CEACAM20: variants seen among roughly 807,000 people sequenced by gnomAD.
CEACAM20 encodes the protein CEA cell adhesion molecule 20, also known as cell adhesion molecule CEACAM20.
A neutral mutation model predicts 61.2 loss-of-function variants in CEACAM20; 50 were observed. The observed-to-expected ratio is 0.82, with a 90% CI of 0.65 to 1.03. The LOEUF is 1.03. Among genes scored for constraint, CEACAM20 ranks in the 50% least tolerant of loss-of-function variants. CEACAM20 has a pLI of 0.00. For synonymous variants in CEACAM20, 282 were observed against 287.7 expected, an observed-to-expected ratio of 0.98 and a Z score of 0.20; for missense variants, 683 against 736.4, an observed-to-expected ratio of 0.93 and a Z score of 0.84.
intron 5 of CEACAM20, among the ~76,000 whole-genome samples, chr19:44,518,091 AAAGAAAGAAAGAAAGGAAGGAAGGAAGG>A (rs1410749379): frequency 8.9e-4 from 94 of 106,204 alleles, no homozygotes; most frequent in Non-Finnish European, 1.4e-3. Flanking sequence ...GGAAAGAAAG[AAAGAAAGAAAGAAAGGAAGGAAGGAAGG>A]AAGGAAGGAA....
intron 1 of CEACAM20, among the ~76,000 whole-genome samples, chr19:44,527,272 G>A (rs1448340711): frequency 7.6e-6 from 1 of 131,276 alleles, no homozygotes; most frequent in Admixed American, 8.0e-5. Flanking sequence ...CACCATGATG[G>A]CAACGATGAT....
chr19:44,511,724 C>A (rs921788048), intron 9 of CEACAM20, 52 bp from the exon 10 acceptor site: 3 of 1,574,378 alleles, frequency 1.9e-6, no homozygotes, highest in Admixed American at 3.5e-5. Flanking sequence ...ATAGGGGCTA[C>A]CCCAAGAGAT....
At position 44,511,672 on chromosome 19, in the gene CEACAM20, T is replaced by C. The variant is rs769267190; in HGVS notation, c.1576A>G (p.Met526Val). Residue 526 changes from methionine to valine, a missense_variant and splice_region_variant, in exon 10 of 12, where the codon ATG becomes GTG. Physicochemically the swap from Met to Val is conservative, Grantham distance 21. Coordinates refer to ENST00000614924, the MANE Select transcript of CEACAM20 (RefSeq NM_001102597.3). ...TCCTCTGGAAGGTCTGGTGGTTGCA[T>C]CTGGGGAAAAACAAAGTTGCAGAGA... ...QLQGRIRVEL[M>V]QPPDLPEETY... 12 of 1,612,648 alleles carry C rather than the reference T, an allele frequency of 7.4e-6. No homozygotes were observed. In the South Asian group the frequency reaches 1.1e-4, roughly 15 times the overall value.
rs771109952 is a variant in CEACAM20, at chr19:44,520,619, C to A, written c.885G>T (p.Leu295=). The A allele has an allele frequency of 1.9e-6, 3 of 1,613,878 alleles. No individual in the cohort carries two copies. Among genetic ancestry groups the A allele is most frequent in the Admixed American group, 1.7e-5 (1 of 60,002 alleles). Residue 295 remains leucine (L), a synonymous_variant, in exon 5 of 12, where the codon CTG becomes CTT. Coordinates refer to ENST00000614924, the MANE Select transcript of CEACAM20 (RefSeq NM_001102597.3). ...CTGACAGCTGCAGGTGCTCACTGGG[C>A]AGGAGGGGCTGGCCACTTAGGAACC... is the stretch of plus-strand genomic sequence containing the variant. ...VQWFLSGQPL[L]PSEHLQLSAD...
chr19:44,512,892 C>G lies in CEACAM20; in HGVS notation c.1489G>C (p.Glu497Gln). 6.2e-7 allele frequency: 1 copy of G among 1,613,782 alleles called. No homozygotes were observed. The highest frequency in any genetic ancestry group is 8.5e-7 in the Non-Finnish European group (1 of 1,179,826). Residue 497 changes from glutamate to glutamine, a missense_variant, in exon 8 of 12, where the codon GAG (glutamate) becomes CAG (glutamine). Transcript: ENST00000614924. Reference protein sequence around the residue: ...HETSQPIPKEEHPTEPSSESL... With the variant: ...HETSQPIPKEQHPTEPSSESL... ...CCGGAACTGGGCTCTGTGGGGTGCTCCTCCTTCGGGATGGGTTGTGAGGTC... is the reference window on the plus strand; with the variant it reads ...CCGGAACTGGGCTCTGTGGGGTGCTGCTCCTTCGGGATGGGTTGTGAGGTC...
intron 1 of CEACAM20, among the ~76,000 whole-genome samples, chr19:44,527,056 T>G (rs1347168887): frequency 6.6e-6 from 1 of 152,114 alleles, no homozygotes; most frequent in Non-Finnish European, 1.5e-5. Flanking sequence ...AGTGAGTGAA[T>G]AAGGGCACGA....
intron 5 of CEACAM20, among the ~76,000 whole-genome samples, chr19:44,518,111 G>GA (rs1568452862): frequency 3.0e-5 from 1 of 33,638 alleles, no homozygotes; most frequent in Non-Finnish European, 5.9e-5. Flanking sequence ...AGAAAGGAAG[G>GA]AAGGAAGGAA....
In CEACAM20 at chr19:44,511,018, G is replaced by A; in HGVS notation, c.1737+12C>T. 1 of 1,613,746 alleles carries A rather than the reference G, an allele frequency of 6.2e-7. No homozygotes were observed. The highest frequency in any genetic ancestry group is 1.1e-5 in the South Asian group (1 of 91,050). On this transcript the variant is annotated intron_variant, in intron 11 of 11. Coordinates refer to ENST00000614924, the MANE Select transcript of CEACAM20 (RefSeq NM_001102597.3). ...TCCACCTGTCCAAAGACTCAGTGTG[G>A]CATAAACATACCTCATAGATTGACT...
intron 1 of CEACAM20, among the ~76,000 whole-genome samples, chr19:44,528,781 C>A (rs1371601402): frequency 6.6e-6 from 1 of 151,426 alleles, no homozygotes; most frequent in Non-Finnish European, 1.5e-5. Flanking sequence ...CTGTCTCTGT[C>A]TCTCTGTGTC....
chr19:44,511,894 G>A, intron 9 of CEACAM20, 123 bp downstream of exon 9: 1 of 997,368 alleles, frequency 1.0e-6, no homozygotes, highest in Non-Finnish European at 1.5e-6. Context: ...AGGAGGAGAT[G>A]CAGAGAGACT....
chr19:44,522,618 G>T lies in CEACAM20; in HGVS notation c.751+16C>A, dbSNP rs576205974. 3.3e-4 allele frequency: 537 copies of T among 1,607,726 alleles called. 5 individuals carry two copies. In the South Asian group the frequency reaches 5.6e-3, roughly 17 times the overall value. On this transcript the variant is annotated intron_variant, in intron 4 of 11. Transcript: ENST00000614924. ...CTCAGAAGAATGAAGGAGAGGAACC[G>T]GGAAAGGAGACTCACCAAGTACTCG...
chr19:44,506,814 C>T (rs909903293), intron 11 of CEACAM20, among the ~76,000 whole-genome samples: 4 of 152,228 alleles, frequency 2.6e-5, no homozygotes, highest in African/African-American at 9.6e-5. Context: ...CTTGATTATA[C>T]AGCCTTGCAG....
intron 4 of CEACAM20, among the ~76,000 whole-genome samples, chr19:44,521,414 TGA>T (rs1287584064): frequency 2.0e-5 from 3 of 152,198 alleles, no homozygotes; most frequent in South Asian, 4.1e-4. Flanking sequence ...ATATTTTATG[TGA>T]GTGTGTCATG....
At chr19:44,511,993 G>A (rs1282331326) in intron 9 of CEACAM20, 24 bp downstream of exon 9, 3 of 1,598,348 alleles carry the variant, frequency 1.9e-6, no homozygotes, top group Non-Finnish European at 2.6e-6. Flanking sequence ...GATCAAGGAG[G>A]GTTCCCTCTG....
chr19:44,529,210 C>T (rs904741465), intron 1 of CEACAM20, among the ~76,000 whole-genome samples: 1 of 151,996 alleles, frequency 6.6e-6, no homozygotes, highest in Non-Finnish European at 1.5e-5. Flanking sequence ...AGTGATCCAC[C>T]CACCTCGGCC....
intron 1 of CEACAM20, among the ~76,000 whole-genome samples, chr19:44,528,203 T>TTC (rs143285676): frequency 6.6e-6 from 1 of 151,280 alleles, no homozygotes; most frequent in African/African-American, 2.4e-5. Flanking sequence ...TTTCCTTTCT[T>TTC]TCTCTCTCTC....
intron 6 of CEACAM20, among the ~76,000 whole-genome samples, chr19:44,516,150 C>A (rs146535463): frequency 6.6e-6 from 1 of 152,162 alleles, no homozygotes; most frequent in Admixed American, 6.5e-5. Context: ...TCCCAGTGAA[C>A]AGTGACACTG....
intron 6 of CEACAM20, among the ~76,000 whole-genome samples, chr19:44,513,633 G>T (rs564251051): frequency 3.9e-4 from 59 of 151,620 alleles, no homozygotes; most frequent in African/African-American, 1.2e-3. Context: ...GAGAGGGGGT[G>T]TTTCACCATG....
In CEACAM20 at chr19:44,517,204, T is replaced by C; in HGVS notation, c.1051A>G (p.Ile351Val). 6.2e-7 allele frequency: 1 copy of C among 1,607,720 alleles called. No individual in the cohort carries two copies. The highest frequency in any genetic ancestry group is 8.5e-7 in the Non-Finnish European group (1 of 1,179,818). Residue 351 changes from isoleucine to valine, a missense_variant, in exon 6 of 12, where the codon ATC becomes GTC. By Grantham distance (29) the Ile-to-Val change is conservative. Coordinates refer to ENST00000614924, the MANE Select transcript of CEACAM20 (RefSeq NM_001102597.3). The stretch of plus-strand genomic sequence containing the variant: ...ATCTCAGATGCCGACTCCCTGGTGA[T>C]GTGCACTTGGTCAGGACCATCTGTG... ...TINYGPDQVHITRESASEMIS... is the reference protein window; with the variant it reads ...TINYGPDQVHVTRESASEMIS...
Sources: allele counts gnomAD v4.1 joint callset (sites outside exome capture counted in the v4.1 genomes callset), GRCh38; gene constraint gnomAD v4.1.1; transcripts MANE v1.5; gene names NCBI Gene and HGNC (gene_info 2026-07-23, HGNC 2026-07-21).